RBSN: variants seen among roughly 807,000 people sequenced by gnomAD.
RBSN encodes the protein rabenosyn-5.
Under a neutral mutation model 60.5 loss-of-function variants are expected in RBSN, and 34 were observed. The ratio of observed to expected loss-of-function variants is 0.56; its 90% confidence interval spans 0.43 to 0.75. RBSN has a LOEUF of 0.75. Ranked by LOEUF, RBSN falls within the 30% of genes least tolerant of loss-of-function variation. The pLI, the probability that RBSN is intolerant of heterozygous loss-of-function variation, is 0.00. For missense variants in RBSN, 845 were observed against 986.8 expected, an observed-to-expected ratio of 0.86 and a Z score of 1.92; for synonymous variants, 322 against 366.9, an observed-to-expected ratio of 0.88 and a Z score of 1.40.
chr3:15,090,268 G>T, intron 5 of RBSN, 131 bp downstream of exon 5: 1 of 974,590 alleles, frequency 1.0e-6, no homozygotes, highest in African/African-American at 1.6e-5. Flanking sequence ...CCCCAGCAAG[G>T]GCATAAGGTC....
intron 4 of RBSN, chr3:15,091,418 T>TC: frequency 8.0e-7 from 1 of 1,256,128 alleles, no homozygotes; most frequent in Non-Finnish European, 1.0e-6. Flanking sequence ...AGTTCTTGCT[T>TC]CCCCACTACT....
chr3:15,089,030 A>G (rs1221683125), intron 5 of RBSN, among the ~76,000 whole-genome samples: 5 of 152,222 alleles, frequency 3.3e-5, no homozygotes, highest in Non-Finnish European at 5.9e-5. Flanking sequence ...CTACTCCACA[A>G]GGCTTTTGTG....
In RBSN at chr3:15,074,716, T is replaced by C. The variant is rs766135358; in HGVS notation, c.1421A>G (p.Lys474Arg). Residue 474 changes from lysine (K) to arginine (R), a missense_variant, in exon 14 of 14, where the codon AAG (lysine) becomes AGG (arginine). Transcript: ENST00000253699. The surrounding 1 kb of genome is among the most constrained non-coding windows in gnomAD (Gnocchi z 6.4). ...HNITSFIRQA[K>R]AAGRMDEVRT... ...CACTTCATCCATGCGGCCCGCGGCC[T>C]TGGCCTGCCTGATGAATGATGTGAT... 1 of 1,614,274 alleles carries C rather than the reference T, an allele frequency of 6.2e-7. No individual in the cohort carries two copies. The highest frequency in any genetic ancestry group is 1.7e-5 in the Admixed American group (1 of 60,030).
Position 15,085,041 on chromosome 3 carries a change from G to C in RBSN, c.395C>G (p.Thr132Ser), listed in dbSNP as rs751329400. 6.2e-7 allele frequency: 1 copy of C among 1,614,228 alleles called. No individual in the cohort carries two copies. The highest frequency in any genetic ancestry group is 2.2e-5 in the East Asian group (1 of 44,890). Residue 132 changes from threonine (T) to serine (S), a missense_variant, in exon 7 of 14, where the codon ACT becomes AGT. Transcript: ENST00000253699. ...NKLIIRLEKL[T>S]AFDRTNTESA... Reference sequence around the variant, plus strand: ...CTCAGTATTTGTTCTGTCAAATGCAGTGAGCTGACCGGAAGAAAATAGTGC... The same window carrying C: ...CTCAGTATTTGTTCTGTCAAATGCACTGAGCTGACCGGAAGAAAATAGTGC...
At chr3:15,078,534 C>T (rs574414225) in intron 10 of RBSN, among the ~76,000 whole-genome samples, 80 of 151,886 alleles carry the variant, frequency 5.3e-4, no homozygotes, top group African/African-American at 1.8e-3. Flanking sequence ...TGGCTTTTCT[C>T]GCTCAAAAGT....
In RBSN at chr3:15,096,198, T is replaced by C; in HGVS notation, c.-78A>G. 7.0e-7 allele frequency: 1 copy of C among 1,431,668 alleles called. No individual in the cohort carries two copies. Among genetic ancestry groups the C allele is most frequent in the Non-Finnish European group, 9.3e-7 (1 of 1,071,850 alleles). The allele number at this position is 1,431,668 out of a possible 1,614,324, so 88.7% of individuals were successfully genotyped here. A position where few individuals can be genotyped will look rare whatever the true frequency, so the allele number is the denominator to read the frequency against. On this transcript the variant is annotated 5_prime_UTR_variant, in exon 4 of 14. Coordinates refer to ENST00000253699, the MANE Select transcript of RBSN (RefSeq NM_022340.4). ...CTTGATTCCTCCCAAGGAACCATGG[T>C]TCCCGCAGCATTAGCTTAAGCAGCA...
At chr3:15,089,456 C>CAAAAAAAAAAA (rs757156425) in intron 5 of RBSN, among the ~76,000 whole-genome samples, 7 of 31,460 alleles carry the variant, frequency 2.2e-4, no homozygotes, top group Admixed American at 5.1e-4. Context: ...ACTCCATCTC[C>CAAAAAAAAAAA]AAAAAAAAAA....
At chr3:15,093,685 C>A (rs542710519) in intron 4 of RBSN, among the ~76,000 whole-genome samples, 2 of 152,112 alleles carry the variant, frequency 1.3e-5, no homozygotes, top group African/African-American at 2.4e-5. Context: ...CCACCGCACC[C>A]GGCTGAAGTA....
At chr3:15,078,776 ATACATATAT>A (rs1419810674) in intron 10 of RBSN, among the ~76,000 whole-genome samples, 1,920 of 56,172 alleles carry the variant, frequency 0.034, 49 homozygotes, top group Non-Finnish European at 0.051. Context: ...AAAAAAAAAA[ATACATATAT>A]ATATATATAT....
At chr3:15,098,755 T>C (rs1257549540) in intron 1 of RBSN, among the ~76,000 whole-genome samples, 1 of 152,128 alleles carries the variant, frequency 6.6e-6, no homozygotes, top group African/African-American at 2.4e-5. Flanking sequence ...ACGCTTCAGC[T>C]TTACACAACC....
chr3:15,077,222 G>A lies in RBSN; in HGVS notation c.999-58C>T. Reference sequence around the variant, plus strand: ...CACTGCCAGCTTCAGAAACAAGGGTGAAAAGTATAACATCTGGAGTTGCCA... The same window carrying A: ...CACTGCCAGCTTCAGAAACAAGGGTAAAAAGTATAACATCTGGAGTTGCCA... On this transcript the variant is annotated intron_variant, in intron 11 of 13. Coordinates refer to ENST00000253699, the MANE Select transcript of RBSN (RefSeq NM_022340.4). This position sits in a 1 kb window ranked among gnomAD's most constrained non-coding sequence, Gnocchi z 4.4. The A allele has an allele frequency of 3.4e-6, 5 of 1,450,814 alleles. No individual in the cohort carries two copies. The highest frequency in any genetic ancestry group is 3.5e-4 in the Middle Eastern group (2 of 5,736). The allele number at this position is 1,450,814 out of a possible 1,614,324, so 89.9% of individuals were successfully genotyped here.
chr3:15,096,272 C>T lies in RBSN; in HGVS notation c.-152G>A, dbSNP rs145962043. 3,862 of 763,798 alleles carry T rather than the reference C, an allele frequency of 5.1e-3. 21 individuals carry two copies. Among genetic ancestry groups the T allele is most frequent in the Non-Finnish European group, 6.7e-3 (3,523 of 529,320 alleles). The allele number at this position is 763,798 out of a possible 1,614,324, so 47.3% of individuals were successfully genotyped here. ...CATGGCCCTGGATGAGGTTTCCTCTCTGGAGTAGGAGGAGCCCTAAGAAAG... is the reference window on the plus strand; with the variant it reads ...CATGGCCCTGGATGAGGTTTCCTCTTTGGAGTAGGAGGAGCCCTAAGAAAG... On this transcript the variant is annotated 5_prime_UTR_variant, in exon 4 of 14. Coordinates refer to ENST00000253699, the MANE Select transcript of RBSN (RefSeq NM_022340.4).
chr3:15,087,425 G>T (rs1368989645), intron 5 of RBSN, among the ~76,000 whole-genome samples: 1 of 152,180 alleles, frequency 6.6e-6, no homozygotes, highest in African/African-American at 2.4e-5. Context: ...TGAGGCACAA[G>T]AATTGAACCC....
Position 15,077,103 on chromosome 3 carries a change from G to T in RBSN, c.1060C>A (p.Leu354Met). 6.2e-7 allele frequency: 1 copy of T among 1,614,142 alleles called. No homozygotes were observed. Among genetic ancestry groups the T allele is most frequent in the Non-Finnish European group, 8.5e-7 (1 of 1,180,002 alleles). Reference sequence around the variant, plus strand: ...GCTGAGTATCTGATCATTCTCTGCAGCCGCAAATTGCTTGGATGTGGTGGA... The same window carrying T: ...GCTGAGTATCTGATCATTCTCTGCATCCGCAAATTGCTTGGATGTGGTGGA... ...DPPPHPSNLR[L>M]QRMIRYSATL... The change falls in exon 12 of 14, where the codon CTG becomes ATG. Residue 354 changes from leucine (L) to methionine (M), a missense_variant. Physicochemically the swap from Leu to Met is conservative, Grantham distance 15. Transcript: ENST00000253699. The surrounding 1 kb of genome is among the most constrained non-coding windows in gnomAD (Gnocchi z 4.4).
At chr3:15,079,657 A>G (rs2043151699) in intron 10 of RBSN, among the ~76,000 whole-genome samples, 1 of 152,220 alleles carries the variant, frequency 6.6e-6, no homozygotes, top group African/African-American at 2.4e-5. Context: ...AAAACAGTAC[A>G]CTGTGTGAAA....
chr3:15,089,887 C>T (rs762702889), intron 5 of RBSN, among the ~76,000 whole-genome samples: 24 of 152,094 alleles, frequency 1.6e-4, no homozygotes, highest in African/African-American at 2.9e-4. Flanking sequence ...TGTGAGCCAC[C>T]GCGCCCAGCT....
chr3:15,094,432 G>A (rs1373353252), intron 4 of RBSN, among the ~76,000 whole-genome samples: 1 of 152,220 alleles, frequency 6.6e-6, no homozygotes, highest in African/African-American at 2.4e-5. Flanking sequence ...CTACGTTCCA[G>A]GCCTAGCTCT....
chr3:15,082,683 A>T lies in RBSN; in HGVS notation c.599-75T>A. 1.3e-6 allele frequency: 2 copies of T among 1,545,088 alleles called. No homozygotes were observed. Among genetic ancestry groups the T allele is most frequent in the African/African-American group, 1.4e-5 (1 of 73,698 alleles). On this transcript the variant is annotated intron_variant, in intron 8 of 13. Transcript: ENST00000253699. This position sits in a 1 kb window ranked among gnomAD's most constrained non-coding sequence, Gnocchi z 4.2. The stretch of plus-strand genomic sequence containing the variant: ...ACCATACCCACGACCTCAAGGTGTC[A>T]GTCCACAGGTGTTTGATTTGGAGAG...
chr3:15,093,683 C>G (rs1243492877), intron 4 of RBSN, among the ~76,000 whole-genome samples: 28 of 152,156 alleles, frequency 1.8e-4, no homozygotes, highest in Admixed American at 1.8e-3. Flanking sequence ...AGCCACCGCA[C>G]CCGGCTGAAG....
Sources: allele counts gnomAD v4.1 joint callset (sites outside exome capture counted in the v4.1 genomes callset), GRCh38; gene constraint gnomAD v4.1.1; non-coding constraint Gnocchi (gnomAD v3.1); transcripts MANE v1.5; gene names NCBI Gene and HGNC (gene_info 2026-07-23, HGNC 2026-07-21).